ZC3H15: variants seen among roughly 807,000 people sequenced by gnomAD.
The protein encoded by ZC3H15 is zinc finger CCCH-type containing 15.
ZC3H15 carries 15 observed loss-of-function variants against 51.2 expected under a neutral mutation model. That is an observed-to-expected ratio of 0.29 (90% CI 0.20 to 0.45). ZC3H15 has a LOEUF of 0.45. Among genes scored for constraint, ZC3H15 ranks in the 20% least tolerant of loss-of-function variants. The pLI is 1.00. For synonymous variants in ZC3H15, 144 were observed against 162.8 expected, an observed-to-expected ratio of 0.88 and a Z score of 0.88; for missense variants, 381 against 494.7, an observed-to-expected ratio of 0.77 and a Z score of 2.18.
intron 1 of ZC3H15, among the ~76,000 whole-genome samples, chr2:186,491,144 G>T (rs1039851222): frequency 3.3e-5 from 5 of 152,152 alleles, no homozygotes; most frequent in African/African-American, 1.2e-4. Context: ...ATTTAGAAAG[G>T]TTATTGCGCA....
chr2:186,505,534 T>A lies in ZC3H15; in HGVS notation c.801T>A (p.Ile267=), dbSNP rs763944141. 6.2e-7 allele frequency: 1 copy of A among 1,606,038 alleles called. No individual in the cohort carries two copies. Among genetic ancestry groups the A allele is most frequent in the Admixed American group, 1.7e-5 (1 of 57,716 alleles). ...AGAAAAGGAAAAGACAAGAAAAGAT[T>A]GATAAACTTGAACAAGATATGGAAA... ...AWKKRKRQEK[I]DKLEQDMERR... Residue 267 remains isoleucine, a synonymous_variant, in exon 7 of 10, where the codon ATT becomes ATA. Transcript: ENST00000337859.
intron 4 of ZC3H15, among the ~76,000 whole-genome samples, chr2:186,501,952 T>C (rs7569642): frequency 0.66 from 100,750 of 151,944 alleles, 33,713 homozygotes; most frequent in Non-Finnish European, 0.71. Flanking sequence ...CTTCGTGATC[T>C]GCCCACGCTG....
In ZC3H15 at chr2:186,486,296, G is replaced by T. The variant is rs1685090491; in HGVS notation, c.-87G>T. The T allele has an allele frequency of 4.0e-5, 53 of 1,335,828 alleles. No homozygotes were observed. Among genetic ancestry groups the T allele is most frequent in the Non-Finnish European group, 5.2e-5 (53 of 1,020,010 alleles). The allele number at this position is 1,335,828 out of a possible 1,614,324, so 82.7% of individuals were successfully genotyped here. A position where few individuals can be genotyped will look rare whatever the true frequency, so the allele number is the denominator to read the frequency against. ...CGTGCGGTGCGGCGAGTGAGGCCCC[G>T]GTCTTCCTCCTCGTCCTGCCGCAGG... is the stretch of plus-strand genomic sequence containing the variant. On this transcript the variant is annotated 5_prime_UTR_variant, in exon 1 of 10. Transcript: ENST00000337859.
rs924406420 is a variant in ZC3H15, at chr2:186,500,219, A to T, written c.215A>T (p.Asp72Val). 4.3e-6 allele frequency: 7 copies of T among 1,613,618 alleles called. No homozygotes were observed. Among genetic ancestry groups the T allele is most frequent in the Non-Finnish European group, 5.9e-6 (7 of 1,179,878 alleles). Reference protein sequence around the residue: ...QSEAEKKLKKDDKKKELQELN... With the variant: ...QSEAEKKLKKVDKKKELQELN... The stretch of plus-strand genomic sequence containing the variant: ...GAAGCTGAAAAGAAATTGAAGAAGG[A>T]TGACAAGAAGAAAGAATTGCAGGAG... Residue 72 changes from aspartate (D) to valine (V), a missense_variant, in exon 3 of 10, where the codon GAT becomes GTT. By Grantham distance (152) the Asp-to-Val change is radical. Coordinates refer to ENST00000337859, the MANE Select transcript of ZC3H15 (RefSeq NM_018471.3).
intron 2 of ZC3H15, among the ~76,000 whole-genome samples, chr2:186,498,007 C>T (rs951367291): frequency 1.3e-5 from 2 of 152,106 alleles, no homozygotes; most frequent in African/African-American, 2.4e-5. Flanking sequence ...GTCACTGAAG[C>T]CAAGGGGATG....
At chr2:186,490,940 A>G (rs1178530911) in intron 1 of ZC3H15, among the ~76,000 whole-genome samples, 3 of 152,290 alleles carry the variant, frequency 2.0e-5, no homozygotes, top group Non-Finnish European at 2.9e-5. Flanking sequence ...AATGAGGACC[A>G]TTATTCTCCT....
intron 1 of ZC3H15, among the ~76,000 whole-genome samples, chr2:186,494,916 T>C (rs1685257598): frequency 6.6e-6 from 1 of 151,914 alleles, no homozygotes; most frequent in African/African-American, 2.4e-5. Flanking sequence ...TGTATACATA[T>C]GTAACAAACC....
At chr2:186,505,869 C>A in intron 8 of ZC3H15, 28 bp downstream of exon 8, 3 of 1,604,322 alleles carry the variant, frequency 1.9e-6, no homozygotes, top group Middle Eastern at 1.7e-4. Context: ...GCCTCATCTC[C>A]TTATGTTAAT....
At chr2:186,499,681 TGG>T in intron 2 of ZC3H15, 2 of 428,576 alleles carry the variant, frequency 4.7e-6, no homozygotes, top group Non-Finnish European at 9.2e-6. Context: ...ATCGTGTGCC[TGG>T]AACTATGTTA....
intron 1 of ZC3H15, among the ~76,000 whole-genome samples, chr2:186,494,731 A>G (rs754073485): frequency 3.9e-5 from 6 of 152,176 alleles, no homozygotes; most frequent in Non-Finnish European, 2.9e-5. Context: ...CAAAAAACCA[A>G]ACACCTCATG....
intron 2 of ZC3H15, 70 bp downstream of exon 2, chr2:186,495,404 G>A (rs1289691425): frequency 4.3e-6 from 4 of 936,828 alleles, no homozygotes; most frequent in Admixed American, 4.0e-5. Flanking sequence ...CAGATAAAAT[G>A]TCTGGTATTA....
intron 6 of ZC3H15, among the ~76,000 whole-genome samples, chr2:186,504,905 G>C (rs570373780): frequency 3.3e-5 from 5 of 152,160 alleles, no homozygotes; most frequent in Non-Finnish European, 7.3e-5. Flanking sequence ...TCTGACACTT[G>C]TTAGCTATTC....
chr2:186,503,382 T>C (rs559436173), intron 5 of ZC3H15, among the ~76,000 whole-genome samples: 5 of 152,160 alleles, frequency 3.3e-5, no homozygotes, highest in South Asian at 4.1e-4. Flanking sequence ...TTATTCTATT[T>C]ATTTTATTTT....
chr2:186,491,854 T>C (rs765106440), intron 1 of ZC3H15, among the ~76,000 whole-genome samples: 4 of 152,152 alleles, frequency 2.6e-5, no homozygotes, highest in Non-Finnish European at 4.4e-5. Context: ...TGGAAAAATG[T>C]TAATTTCTGA....
chr2:186,487,435 A>C (rs1234187659), intron 1 of ZC3H15: 1 of 152,272 alleles, frequency 6.6e-6, no homozygotes, highest in Admixed American at 6.5e-5. Context: ...GGATATAATT[A>C]GAAAAAGCCA....
At chr2:186,500,787 G>T (rs1346972928) in intron 3 of ZC3H15, 1 of 435,782 alleles carries the variant, frequency 2.3e-6, no homozygotes, top group Admixed American at 2.5e-5. Flanking sequence ...CCATTGTCCT[G>T]CCTCAGCCTC....
In ZC3H15 at chr2:186,509,069, C is replaced by A. The variant is rs1437222256; in HGVS notation, c.*336C>A. On this transcript the variant is annotated 3_prime_UTR_variant, in exon 10 of 10. Transcript: ENST00000337859. ...ATGTGCTATTACCAGAAACAACAAA[C>A]TTATATTTAAAATACCCTTCATTTG... The A allele has an allele frequency of 2.1e-6, 1 of 474,174 alleles. No individual in the cohort carries two copies. The highest frequency in any genetic ancestry group is 4.2e-6 in the Non-Finnish European group (1 of 239,222). 29.4% of individuals were successfully genotyped at this position (474,174 alleles called of 1,614,324 possible). A position where few individuals can be genotyped will look rare whatever the true frequency, so the allele number is the denominator to read the frequency against.
At chr2:186,501,030 T>C (rs1389802850) in intron 3 of ZC3H15, among the ~76,000 whole-genome samples, 2 of 152,242 alleles carry the variant, frequency 1.3e-5, no homozygotes, top group Non-Finnish European at 2.9e-5. Context: ...AAATAGCCTA[T>C]GTTCTTGTTT....
At position 186,505,467 on chromosome 2, in the gene ZC3H15, C is replaced by A; in HGVS notation, c.734C>A (p.Pro245Gln). The change falls in exon 7 of 10, where the codon CCA (proline) becomes CAA (glutamine). Residue 245 changes from proline to glutamine, a missense_variant. By Grantham distance (76) the Pro-to-Gln change is moderately conservative. This residue lies in a region of ZC3H15 where 215 missense variants were observed against 241.8 expected (regional missense o/e 0.89). Transcript: ENST00000337859. Reference protein sequence around the residue: ...LIERERSALGPNVTKITLESF... With the variant: ...LIERERSALGQNVTKITLESF... ...CCATTGCAGCGTTCTGCCCTAGGTC[C>A]AAATGTTACCAAAATCACTCTAGAA... The A allele has an allele frequency of 6.4e-7, 1 of 1,568,498 alleles. No homozygotes were observed. The highest frequency in any genetic ancestry group is 1.2e-5 in the South Asian group (1 of 81,748).
Sources: allele counts gnomAD v4.1 joint callset (sites outside exome capture counted in the v4.1 genomes callset), GRCh38; gene constraint gnomAD v4.1.1; regional missense constraint gnomAD v4.1.1; transcripts MANE v1.5; gene names NCBI Gene and HGNC (gene_info 2026-07-23, HGNC 2026-07-21).